Variants in ITGA1 observed in about 807,000 individuals in gnomAD.
The protein encoded by ITGA1 is integrin alpha-1.
ITGA1 carries 85 observed loss-of-function variants against 145.9 expected under a neutral mutation model. The ratio of observed to expected loss-of-function variants is 0.58; its 90% CI spans 0.49 to 0.70. The LOEUF is 0.70. Ranked by LOEUF, ITGA1 falls within the 30% of genes least tolerant of loss-of-function variation. The pLI is 0.00. For synonymous variants in ITGA1, 520 were observed against 495.3 expected, an observed-to-expected ratio of 1.05 and a Z score of -0.66; for missense variants, 1,351 against 1,418.7, an observed-to-expected ratio of 0.95 and a Z score of 0.77.
At chr5:52,912,773 G>A (rs1380647882) in intron 14 of ITGA1, among the ~76,000 whole-genome samples, 1 of 148,672 alleles carries the variant, frequency 6.7e-6, no homozygotes, top group East Asian at 2.0e-4. Context: ...TTGAGACGGA[G>A]TCTCGCTCTG....
At chr5:52,793,723 A>G (rs1748286277) in intron 1 of ITGA1, among the ~76,000 whole-genome samples, 1 of 151,990 alleles carries the variant, frequency 6.6e-6, no homozygotes, top group Non-Finnish European at 1.5e-5. Flanking sequence ...TTCAAGTGCC[A>G]AGTTTATATC....
At chr5:52,853,842 C>T (rs1479393764) in intron 2 of ITGA1, among the ~76,000 whole-genome samples, 1 of 152,196 alleles carries the variant, frequency 6.6e-6, no homozygotes, top group Admixed American at 6.6e-5. Context: ...TAATTGCCTT[C>T]ATAATTTTGC....
chr5:52,822,171 G>A (rs983067548), intron 1 of ITGA1, among the ~76,000 whole-genome samples: 3 of 152,044 alleles, frequency 2.0e-5, no homozygotes, highest in Non-Finnish European at 4.4e-5. Context: ...TTCATATGTG[G>A]AATTTTATGT....
chr5:52,824,372 A>T (rs1257478001), intron 1 of ITGA1: 1 of 148,730 alleles, frequency 6.7e-6, no homozygotes, highest in African/African-American at 2.5e-5. Context: ...GCCTATGGTG[A>T]CCTCTGCCTC....
At chr5:52,940,059 A>G (rs1161649498) in intron 26 of ITGA1, 115 bp downstream of exon 26, 10 of 705,412 alleles carry the variant, frequency 1.4e-5, no homozygotes, top group African/African-American at 5.3e-5. Flanking sequence ...GACTGGAAGT[A>G]TAAGAGGATG....
intron 28 of ITGA1, 69 bp from the exon 29 acceptor site, chr5:52,952,338 C>T (rs1391392879): frequency 2.5e-5 from 20 of 784,490 alleles, no homozygotes; most frequent in Non-Finnish European, 3.8e-5. Flanking sequence ...TTAATTCTAT[C>T]CAAAGGATTA....
chr5:52,905,674 A>G (rs1750391114), intron 11 of ITGA1, 89 bp from the exon 12 acceptor site: 1 of 1,054,698 alleles, frequency 9.5e-7, no homozygotes, highest in Non-Finnish European at 1.4e-6. Flanking sequence ...TATAAAAATG[A>G]TTATCTTGGC....
At chr5:52,891,458 T>C (rs559105837) in intron 8 of ITGA1, among the ~76,000 whole-genome samples, 2 of 151,772 alleles carry the variant, frequency 1.3e-5, no homozygotes, top group African/African-American at 4.8e-5. Flanking sequence ...TTTTTGTTAT[T>C]GTTATCTATT....
chr5:52,894,364 T>C lies in ITGA1; in HGVS notation c.1090+524T>C, dbSNP rs141898904. 8.9e-3 allele frequency among the ~76,000 whole-genome samples: 1,356 copies of C among 152,310 alleles called. 14 individuals carry two copies. Among genetic ancestry groups the C allele is most frequent in the Non-Finnish European group, 0.015 (1,015 of 68,014 alleles). Reference sequence around the variant, plus strand: ...ATGGCAATGAAACATTGGTTCACTGTATTTGTCTAAATCATGTTACTTCTT... The same window carrying C: ...ATGGCAATGAAACATTGGTTCACTGCATTTGTCTAAATCATGTTACTTCTT... On this transcript the variant is annotated intron_variant, in intron 9 of 28. Coordinates refer to ENST00000282588, the MANE Select transcript of ITGA1 (RefSeq NM_181501.2).
chr5:52,793,940 G>A (rs1223873548), intron 1 of ITGA1, among the ~76,000 whole-genome samples: 1 of 151,968 alleles, frequency 6.6e-6, no homozygotes, highest in East Asian at 1.9e-4. Context: ...AAGCTCCAGG[G>A]TTGTGTATAT....
At chr5:52,910,903 T>G (rs867947773) in intron 14 of ITGA1, among the ~76,000 whole-genome samples, 25 of 136,786 alleles carry the variant, frequency 1.8e-4, no homozygotes, top group African/African-American at 6.9e-4. Flanking sequence ...ATATAGTATA[T>G]ACGGTATGTA....
rs1247212635 is a variant in ITGA1 at position 52,929,807 on chromosome 5, TAGG to T, written c.2771+109_2771+111del. 6.7e-6 allele frequency: 4 copies of T among 593,494 alleles called. No homozygotes were observed. The East Asian group carries it at 1.2e-4, about 18-fold the overall frequency. 36.8% of individuals were successfully genotyped at this position (593,494 alleles called of 1,614,324 possible). ...CTCACTGACAGTTTCTTCCAGGTTG[TAGG>T]AGATCAGTAGAAGTGGAAGGCAATT... is the stretch of plus-strand genomic sequence containing the variant. On this transcript the variant is annotated intron_variant, in intron 21 of 28. Transcript: ENST00000282588.
chr5:52,947,246 T>C, intron 27 of ITGA1, 99 bp from the exon 28 acceptor site: 1 of 714,822 alleles, frequency 1.4e-6, no homozygotes, highest in Non-Finnish European at 2.5e-6. Context: ...AGTAACGAGA[T>C]TAATGCACTG....
chr5:52,940,198 T>C (rs1204298529), intron 26 of ITGA1, among the ~76,000 whole-genome samples: 1 of 152,192 alleles, frequency 6.6e-6, no homozygotes, highest in Non-Finnish European at 1.5e-5. Context: ...CCTTTTTCTT[T>C]GTACTTTAAG....
In ITGA1 at chr5:52,844,321, G is replaced by A. The variant is rs542031418; in HGVS notation, c.62-5044G>A. On this transcript the variant is annotated intron_variant, in intron 1 of 28. Coordinates refer to ENST00000282588, the MANE Select transcript of ITGA1 (RefSeq NM_181501.2). ...AAATCCTTTCCAGCCCATTGCTATT[G>A]TAGAAAAGTCTTCTCCCCAAATTTG... is the stretch of plus-strand genomic sequence containing the variant. Among the ~76,000 whole-genome samples the A allele has an allele frequency of 2.6e-5, 4 of 152,244 alleles. 1 individual carries two copies. In the South Asian group the frequency reaches 6.2e-4, roughly 24 times the overall value.
chr5:52,952,157 T>A (rs1181747221), intron 28 of ITGA1, among the ~76,000 whole-genome samples: 3 of 146,100 alleles, frequency 2.1e-5, no homozygotes, highest in Admixed American at 7.0e-5. Flanking sequence ...GCCACTGCAC[T>A]CCAGCCTGGT....
intron 2 of ITGA1, among the ~76,000 whole-genome samples, chr5:52,850,021 G>A (rs1172223117): frequency 9.6e-6 from 1 of 104,372 alleles, no homozygotes; most frequent in Non-Finnish European, 1.9e-5. Flanking sequence ...TTTTTTTTCT[G>A]AGATGGAGTC....
chr5:52,789,884 T>C (rs555828917), intron 1 of ITGA1, among the ~76,000 whole-genome samples: 1 of 152,320 alleles, frequency 6.6e-6, no homozygotes, highest in African/African-American at 2.4e-5. Flanking sequence ...AAACTTGAAG[T>C]AACAGAGAAG....
In ITGA1 at chr5:52,947,454, T is replaced by C. The variant is rs943462975; in HGVS notation, c.3488T>C (p.Leu1163Pro). 2 of 1,608,150 alleles carry C rather than the reference T, an allele frequency of 1.2e-6. No homozygotes were observed. The highest frequency in any genetic ancestry group is 1.7e-6 in the Non-Finnish European group (2 of 1,174,690). The change falls in exon 28 of 29, where the codon CTG becomes CCG. Residue 1163 changes from leucine to proline, a missense_variant. Physicochemically the swap from Leu to Pro is moderately conservative, Grantham distance 98. Coordinates refer to ENST00000282588, the MANE Select transcript of ITGA1 (RefSeq NM_181501.2). ...CTGTTAATGCTGCTCATTTTAGCAC[T>C]GTGGAAGGTAAACACCAAAATTCCT... ...LLLLMLLILA[L>P]WKIGFFKRPL... is the part of the protein sequence containing the mutation.
Sources: gnomAD v4.1 joint callset for allele counts (sites outside exome capture counted in the v4.1 genomes callset) on GRCh38, gnomAD v4.1.1 for gene constraint, MANE v1.5 for transcripts, NCBI Gene and HGNC (gene_info 2026-07-23, HGNC 2026-07-21) for gene names.